PTPRD: variants seen among roughly 807,000 people sequenced by gnomAD.
The protein encoded by PTPRD is protein tyrosine phosphatase receptor type D.
PTPRD carries 34 observed loss-of-function variants against 214.5 expected under a neutral mutation model. The observed-to-expected ratio is 0.16, with a 90% CI of 0.12 to 0.21. The LOEUF is 0.21. PTPRD is among the 10% of genes least tolerant of loss of function. The pLI is 1.00. For synonymous variants in PTPRD, 1,128 were observed against 845.7 expected, an observed-to-expected ratio of 1.33 and a Z score of -5.79; for missense variants, 2,545 against 2,398.7, an observed-to-expected ratio of 1.06 and a Z score of -1.27.
chr9:8,433,641 A>G (rs1386551670), intron 35 of PTPRD, among the ~76,000 whole-genome samples: 1 of 152,186 alleles, frequency 6.6e-6, no homozygotes, highest in Non-Finnish European at 1.5e-5. Flanking sequence ...AATATAATTT[A>G]AATAGAAAAA....
intron 8 of PTPRD, among the ~76,000 whole-genome samples, chr9:9,483,607 T>C (rs2095506403): frequency 6.6e-6 from 1 of 152,076 alleles, no homozygotes; most frequent in African/African-American, 2.4e-5. Flanking sequence ...CATCACATTT[T>C]GGTCTTTGTC....
At chr9:9,526,029 TC>T (rs1465159224) in intron 8 of PTPRD, among the ~76,000 whole-genome samples, 4 of 152,176 alleles carry the variant, frequency 2.6e-5, no homozygotes, top group Non-Finnish European at 5.9e-5. Context: ...CTTTTCCTCT[TC>T]AGGTAGATAC....
intron 9 of PTPRD, among the ~76,000 whole-genome samples, chr9:9,226,617 A>T (rs1024207699): frequency 6.6e-6 from 1 of 152,060 alleles, no homozygotes; most frequent in South Asian, 2.1e-4. Context: ...TCTTTTATCT[A>T]CAGTGGAGTA....
At chr9:9,061,230 A>G (rs2099706758) in intron 10 of PTPRD, among the ~76,000 whole-genome samples, 1 of 152,166 alleles carries the variant, frequency 6.6e-6, no homozygotes, top group Non-Finnish European at 1.5e-5. Flanking sequence ...GTGTTTTTCT[A>G]TGCGTTATAC....
chr9:9,713,291 A>G (rs1417525232), intron 7 of PTPRD, among the ~76,000 whole-genome samples: 1 of 152,304 alleles, frequency 6.6e-6, no homozygotes, highest in East Asian at 1.9e-4. Context: ...AGAATCATAG[A>G]CCAAGAAAAT....
At chr9:9,775,827 A>G (rs879723623) in intron 5 of PTPRD, among the ~76,000 whole-genome samples, 47 of 151,880 alleles carry the variant, frequency 3.1e-4, no homozygotes, top group Non-Finnish European at 5.2e-4. Context: ...ATGGTGGCGG[A>G]CGCCTGCAGT....
intron 8 of PTPRD, among the ~76,000 whole-genome samples, chr9:9,499,670 C>A (rs1448103835): frequency 9.2e-5 from 14 of 151,982 alleles, no homozygotes; most frequent in African/African-American, 3.1e-4. Context: ...AGCAAAACAG[C>A]CTGTTTCTTC....
intron 10 of PTPRD, among the ~76,000 whole-genome samples, chr9:9,175,701 T>C (rs1375019453): frequency 2.0e-5 from 3 of 151,904 alleles, no homozygotes; most frequent in African/African-American, 7.3e-5. Flanking sequence ...ACTATTTGTT[T>C]TGAGGAAGAC....
At chr9:10,453,790 T>G (rs2098874350) in intron 2 of PTPRD, among the ~76,000 whole-genome samples, 1 of 151,584 alleles carries the variant, frequency 6.6e-6, no homozygotes, top group Non-Finnish European at 1.5e-5. Context: ...ATGTCTTTTA[T>G]TTTTGTTCTT....
chr9:9,257,577 A>T (rs1446258352), intron 9 of PTPRD, among the ~76,000 whole-genome samples: 2 of 151,994 alleles, frequency 1.3e-5, no homozygotes, highest in East Asian at 3.9e-4. Context: ...GGTTTGCTTG[A>T]GTCCAGGGGC....
Position 10,080,397 on chromosome 9 carries a change from T to G in PTPRD, c.-544-46607A>C, listed in dbSNP as rs949417582. Reference sequence around the variant, plus strand: ...GCAGAGTACATGTGATAGGGAGGCATTGGTATTCAAACCACTTGTCATTGC... The same window carrying G: ...GCAGAGTACATGTGATAGGGAGGCAGTGGTATTCAAACCACTTGTCATTGC... On this transcript the variant is annotated intron_variant, in intron 3 of 45. Coordinates refer to ENST00000381196, the MANE Select transcript of PTPRD (RefSeq NM_002839.4). Among the ~76,000 whole-genome samples, 15 of 152,088 alleles carry G rather than the reference T, an allele frequency of 9.9e-5. 1 individual carries two copies. Among genetic ancestry groups the G allele is most frequent in the Non-Finnish European group, 2.1e-4 (14 of 67,998 alleles).
At chr9:10,229,772 C>T (rs1417030245) in intron 3 of PTPRD, among the ~76,000 whole-genome samples, 2 of 151,734 alleles carry the variant, frequency 1.3e-5, no homozygotes, top group African/African-American at 4.8e-5. Flanking sequence ...TTAATGGGTG[C>T]AGCACACCAA....
At chr9:10,345,571 C>T (rs1213788839) in intron 2 of PTPRD, among the ~76,000 whole-genome samples, 1 of 152,186 alleles carries the variant, frequency 6.6e-6, no homozygotes, top group African/African-American at 2.4e-5. Context: ...TAGCTTCATC[C>T]ATGTCCCTGC....
At chr9:9,804,292 ACTGAATTTC>A (rs1166929378) in intron 5 of PTPRD, among the ~76,000 whole-genome samples, 1 of 152,116 alleles carries the variant, frequency 6.6e-6, no homozygotes, top group Non-Finnish European at 1.5e-5. Flanking sequence ...AGTACACTGC[ACTGAATTTC>A]CCATCCCTAA....
intron 5 of PTPRD, among the ~76,000 whole-genome samples, chr9:9,913,649 T>C (rs2079859814): frequency 6.6e-6 from 1 of 152,122 alleles, no homozygotes; most frequent in Non-Finnish European, 1.5e-5. Flanking sequence ...AGGGACTTCC[T>C]ATTGCCAGGA....
intron 10 of PTPRD, among the ~76,000 whole-genome samples, chr9:9,175,374 G>A (rs1038690320): frequency 6.6e-5 from 10 of 151,952 alleles, no homozygotes; most frequent in African/African-American, 2.4e-4. Flanking sequence ...TGTAATCCCA[G>A]CACTTTGGGA....
chr9:10,209,899 G>A (rs926347179), intron 3 of PTPRD, among the ~76,000 whole-genome samples: 2 of 151,942 alleles, frequency 1.3e-5, no homozygotes, highest in Non-Finnish European at 2.9e-5. Context: ...ATGTAAATCT[G>A]GTGCTTTTGT....
intron 3 of PTPRD, among the ~76,000 whole-genome samples, chr9:10,305,894 C>A (rs148106026): frequency 6.6e-6 from 1 of 151,986 alleles, no homozygotes; most frequent in African/African-American, 2.4e-5. Context: ...ACTAGAAATA[C>A]CATTTGACCC....
intron 6 of PTPRD, among the ~76,000 whole-genome samples, chr9:9,752,707 G>T (rs1432885144): frequency 6.6e-6 from 1 of 151,824 alleles, no homozygotes; most frequent in Non-Finnish European, 1.5e-5. Flanking sequence ...GGGGACGGAG[G>T]GCAAGTATTT....
Sources: gnomAD v4.1 joint callset for allele counts (sites outside exome capture counted in the v4.1 genomes callset) on GRCh38, gnomAD v4.1.1 for gene constraint, MANE v1.5 for transcripts, NCBI Gene and HGNC (gene_info 2026-07-23, HGNC 2026-07-21) for gene names.